MYO6: variants seen among roughly 807,000 people sequenced by gnomAD.
MYO6 encodes the protein myosin VI.
A neutral mutation model predicts 178.7 loss-of-function variants in MYO6; 74 were observed. That is an observed-to-expected ratio of 0.41 (90% CI 0.34 to 0.50). The LOEUF is 0.50. MYO6 is among the 20% of genes least tolerant of loss of function. MYO6 has a pLI of 0.09. For synonymous variants in MYO6, 477 were observed against 504.6 expected, an observed-to-expected ratio of 0.95 and a Z score of 0.73; for missense variants, 1,330 against 1,547.4, an observed-to-expected ratio of 0.86 and a Z score of 2.36.
intron 5 of MYO6, 21 bp downstream of exon 5, chr6:75,830,566 TTTAA>T (rs1003752596): frequency 4.4e-6 from 7 of 1,604,360 alleles, no homozygotes; most frequent in Non-Finnish European, 6.0e-6. Context: ...TTAAATGTAT[TTTAA>T]TTCTTGTCTT....
chr6:75,836,502 G>C (rs965180560), intron 7 of MYO6, among the ~76,000 whole-genome samples: 1 of 151,710 alleles, frequency 6.6e-6, no homozygotes, highest in Non-Finnish European at 1.5e-5. Flanking sequence ...ATAGACTCCT[G>C]TTTTGTCTCT....
intron 1 of MYO6, among the ~76,000 whole-genome samples, chr6:75,812,695 T>C (rs1352264855): frequency 6.6e-6 from 1 of 152,036 alleles, no homozygotes; most frequent in African/African-American, 2.4e-5. Flanking sequence ...CGTGAGAACA[T>C]GTGAAGTTTT....
intron 1 of MYO6, among the ~76,000 whole-genome samples, chr6:75,791,155 G>C (rs1234611360): frequency 1.3e-5 from 2 of 152,164 alleles, no homozygotes; most frequent in Non-Finnish European, 2.9e-5. Context: ...GGATGGTCTT[G>C]ATCTCCTGAC....
intron 1 of MYO6, among the ~76,000 whole-genome samples, chr6:75,793,607 GA>G (rs924837020): frequency 2.0e-5 from 3 of 149,518 alleles, no homozygotes; most frequent in Admixed American, 6.7e-5. Context: ...CAAAAAAAAA[GA>G]AAAAAAAATT....
In MYO6 at chr6:75,907,619, T is replaced by C; in HGVS notation, c.3191T>C (p.Leu1064Pro). ...SEFLSRGPAV[L>P]ATKAAAGTKK... ...AATAATTACAGAGGTCCTGCTGTAC[T>C]AGCCACCAAAGCAGCTGCTGGTACT... is the stretch of plus-strand genomic sequence containing the variant. Residue 1064 changes from leucine (L) to proline (P), a missense_variant, in exon 31 of 35, where the codon CTA (leucine) becomes CCA (proline). Around this residue, in one of 3 missense-constraint regions of MYO6, gnomAD observed 601 missense variants for 626.1 expected, o/e 0.96. Coordinates refer to ENST00000369977, the MANE Select transcript of MYO6 (RefSeq NM_004999.4). 2 of 1,613,116 alleles carry C rather than the reference T, an allele frequency of 1.2e-6. No individual in the cohort carries two copies. Among genetic ancestry groups the C allele is most frequent in the Non-Finnish European group, 1.7e-6 (2 of 1,179,296 alleles).
intron 3 of MYO6, among the ~76,000 whole-genome samples, chr6:75,824,550 GCACA>G (rs984597097): frequency 3.3e-5 from 5 of 151,278 alleles, no homozygotes; most frequent in Middle Eastern, 3.4e-3. Flanking sequence ...TTATACACTT[GCACA>G]CACACACACA....
At position 75,890,215 on chromosome 6, in the gene MYO6, A is replaced by T. The variant is rs966647199; in HGVS notation, c.2817A>T (p.Arg939Ser). ...AAGAAATGGAAAAGGAAAGAAAAAG[A>T]CGTGAAGAAGACGAAAAACGTCGAA... ...IQEEMEKERK[R>S]REEDEKRRRK... Residue 939 changes from arginine (R) to serine (S), a missense_variant, in exon 26 of 35, where the codon AGA becomes AGT. Arg to Ser is a moderately radical substitution (Grantham distance 110). Around this residue, in one of 3 missense-constraint regions of MYO6, gnomAD observed 601 missense variants for 626.1 expected, o/e 0.96. Coordinates refer to ENST00000369977, the MANE Select transcript of MYO6 (RefSeq NM_004999.4). 1.2e-5 allele frequency: 19 copies of T among 1,611,914 alleles called. No individual in the cohort carries two copies. Among genetic ancestry groups the T allele is most frequent in the Non-Finnish European group, 1.6e-5 (19 of 1,177,980 alleles).
intron 1 of MYO6, among the ~76,000 whole-genome samples, chr6:75,776,691 T>G (rs1766426166): frequency 6.6e-6 from 1 of 151,694 alleles, no homozygotes; most frequent in African/African-American, 2.4e-5. Flanking sequence ...TGTATGTGTT[T>G]TGGTAGAGAT....
At chr6:75,815,900 C>T (rs1159976474) in intron 1 of MYO6, among the ~76,000 whole-genome samples, 5 of 152,186 alleles carry the variant, frequency 3.3e-5, no homozygotes, top group African/African-American at 9.7e-5. Context: ...GTCAAGATGA[C>T]ATCTGGGATC....
chr6:75,862,903 G>A (rs892316822), intron 16 of MYO6, among the ~76,000 whole-genome samples, 180 bp downstream of exon 16: 1 of 152,032 alleles, frequency 6.6e-6, no homozygotes, highest in South Asian at 2.1e-4. Flanking sequence ...TGATTTTTAT[G>A]TAGTCAAGAG....
chr6:75,870,839 G>C (rs1777086052), intron 19 of MYO6, among the ~76,000 whole-genome samples, 154 bp downstream of exon 19: 1 of 151,692 alleles, frequency 6.6e-6, no homozygotes, highest in African/African-American at 2.4e-5. Flanking sequence ...TCTGAAGAAA[G>C]GTCAAATATA....
chr6:75,765,332 A>G (rs1778323660), intron 1 of MYO6, among the ~76,000 whole-genome samples: 1 of 151,274 alleles, frequency 6.6e-6, no homozygotes, highest in Non-Finnish European at 1.5e-5. Flanking sequence ...GCACACTACC[A>G]CGCCTGGCTA....
At chr6:75,803,021 A>G (rs2150122940) in intron 1 of MYO6, among the ~76,000 whole-genome samples, 1 of 152,278 alleles carries the variant, frequency 6.6e-6, no homozygotes, top group Admixed American at 6.5e-5. Flanking sequence ...CTTTTTGTCC[A>G]TATTATTGTA....
intron 16 of MYO6, 137 bp from the exon 17 acceptor site, chr6:75,866,389 T>G: frequency 1.5e-6 from 1 of 663,748 alleles, no homozygotes; most frequent in Non-Finnish European, 2.7e-6. Flanking sequence ...ACTCAATACA[T>G]AAAAGCAGTA....
At chr6:75,893,456 A>G (rs921503704) in intron 28 of MYO6, among the ~76,000 whole-genome samples, 1 of 152,212 alleles carries the variant, frequency 6.6e-6, no homozygotes, top group Non-Finnish European at 1.5e-5. Context: ...ACATGTAACC[A>G]TGCTTTTCCG....
chr6:75,918,139 G>A lies in MYO6; in HGVS notation c.*3127G>A, dbSNP rs1369408410. 1 of 152,170 alleles carries A rather than the reference G, an allele frequency of 6.6e-6. No homozygotes were observed. The highest frequency in any genetic ancestry group is 1.5e-5 in the Non-Finnish European group (1 of 68,020). 9.4% of individuals were successfully genotyped at this position (152,170 alleles called of 1,614,324 possible). A position where few individuals can be genotyped will look rare whatever the true frequency, so the allele number is the denominator to read the frequency against. On this transcript the variant is annotated 3_prime_UTR_variant, in exon 35 of 35. Transcript: ENST00000369977. ...GGCACCTGTGGATTTACAAAGGGTT[G>A]CCTCTCTGTCATTCCACAACTTCAG...
chr6:75,856,506 C>G (rs1249991865), intron 12 of MYO6, among the ~76,000 whole-genome samples: 2 of 144,160 alleles, frequency 1.4e-5, no homozygotes, highest in African/African-American at 5.2e-5. Flanking sequence ...TTTGTGCTCT[C>G]TTGGTACCCC....
rs2149440181 is a variant in MYO6 at position 75,917,658 on chromosome 6, T to G, written c.*2646T>G. The G allele has an allele frequency of 6.6e-6, 1 of 152,526 alleles. No homozygotes were observed. Among genetic ancestry groups the G allele is most frequent in the East Asian group, 1.9e-4 (1 of 5,186 alleles). The allele number at this position is 152,526 out of a possible 1,614,324, so 9.4% of individuals were successfully genotyped here. The stretch of plus-strand genomic sequence containing the variant: ...ATGCTCATTCTGCTTCTGTAATGAC[T>G]TTTCATAGGTCATTCTTGTGAACCA... On this transcript the variant is annotated 3_prime_UTR_variant, in exon 35 of 35. Coordinates refer to ENST00000369977, the MANE Select transcript of MYO6 (RefSeq NM_004999.4).
At chr6:75,904,234 T>A (rs1780073579) in intron 30 of MYO6, among the ~76,000 whole-genome samples, 1 of 149,842 alleles carries the variant, frequency 6.7e-6, no homozygotes, top group African/African-American at 2.4e-5. Flanking sequence ...AGGAGTATCT[T>A]TGTGGCGTTC....
Sources: allele counts gnomAD v4.1 joint callset (sites outside exome capture counted in the v4.1 genomes callset), GRCh38; gene constraint gnomAD v4.1.1; regional missense constraint gnomAD v4.1.1; transcripts MANE v1.5; gene names NCBI Gene and HGNC (gene_info 2026-07-23, HGNC 2026-07-21).